Variants in CSMD1 observed in about 807,000 individuals in gnomAD.
The protein encoded by CSMD1 is CUB and Sushi multiple domains 1.
In CSMD1, 213 loss-of-function variants were observed where a neutral mutation model predicts 417.5. The ratio of observed to expected loss-of-function variants is 0.51; its 90% CI spans 0.46 to 0.57. The LOEUF (loss-of-function observed/expected upper bound fraction) is 0.57, where lower values mean the gene tolerates loss of function less well. CSMD1 is among the 20% of genes least tolerant of loss of function. CSMD1 has a pLI of 0.00. For synonymous variants in CSMD1, 2,862 were observed against 1,736.8 expected, an observed-to-expected ratio of 1.65 and a Z score of -16.11; for missense variants, 6,923 against 4,529.7, an observed-to-expected ratio of 1.53 and a Z score of -15.17.
At chr8:4,640,597 T>C (rs1803128241) in intron 1 of CSMD1, among the ~76,000 whole-genome samples, 3 of 152,334 alleles carry the variant, frequency 2.0e-5, no homozygotes, top group Admixed American at 2.0e-4. Flanking sequence ...GTAAACGATG[T>C]ACATCTAAGC....
intron 36 of CSMD1, among the ~76,000 whole-genome samples, chr8:3,183,971 A>G (rs1157419612): frequency 6.6e-6 from 1 of 152,174 alleles, no homozygotes; most frequent in African/African-American, 2.4e-5. Context: ...TCCATTCAGC[A>G]GTCAGAAAAC....
At chr8:3,989,145 G>C (rs1814553581) in intron 5 of CSMD1, among the ~76,000 whole-genome samples, 1 of 152,188 alleles carries the variant, frequency 6.6e-6, no homozygotes, top group African/African-American at 2.4e-5. Context: ...CGGGCATTTT[G>C]CTAAGGGTTT....
chr8:3,843,634 C>A (rs1468607481), intron 5 of CSMD1, among the ~76,000 whole-genome samples: 1 of 152,058 alleles, frequency 6.6e-6, no homozygotes, highest in Non-Finnish European at 1.5e-5. Flanking sequence ...TTATAGGATA[C>A]CATGGAATGC....
chr8:3,674,224 T>C (rs530116791), intron 7 of CSMD1, among the ~76,000 whole-genome samples: 5 of 152,196 alleles, frequency 3.3e-5, no homozygotes, highest in Non-Finnish European at 5.9e-5. Flanking sequence ...CAAAAGCAGA[T>C]TGTATTATGG....
chr8:4,287,773 A>AGCGAGTT (rs1797143512), intron 3 of CSMD1, among the ~76,000 whole-genome samples: 1 of 151,866 alleles, frequency 6.6e-6, no homozygotes, highest in Admixed American at 6.6e-5. Flanking sequence ...CGGTCGGTTG[A>AGCGAGTT]GCGAGTTGGA....
At chr8:3,159,509 C>A (rs141920470) in intron 38 of CSMD1, among the ~76,000 whole-genome samples, 2 of 152,246 alleles carry the variant, frequency 1.3e-5, no homozygotes, top group African/African-American at 4.8e-5. Context: ...TAGACACTCA[C>A]GTGTGAACTA....
At chr8:4,340,661 T>C (rs944428237) in intron 3 of CSMD1, among the ~76,000 whole-genome samples, 3 of 152,070 alleles carry the variant, frequency 2.0e-5, no homozygotes, top group African/African-American at 7.2e-5. Flanking sequence ...GTGAATTATA[T>C]TAACCTAGAG....
chr8:4,550,653 A>G (rs2130561839), intron 2 of CSMD1, among the ~76,000 whole-genome samples: 1 of 152,310 alleles, frequency 6.6e-6, no homozygotes, highest in South Asian at 2.1e-4. Context: ...GATCTCTAAC[A>G]GTTTACCTAG....
chr8:3,752,676 CA>C (rs200769696), intron 6 of CSMD1, among the ~76,000 whole-genome samples: 1,052 of 96,774 alleles, frequency 0.011, 13 homozygotes, highest in African/African-American at 0.036. Flanking sequence ...CCCCGCCTGG[CA>C]AAAAAAAAAA....
At chr8:3,245,700 C>T (rs1476257021) in intron 26 of CSMD1, among the ~76,000 whole-genome samples, 1 of 152,150 alleles carries the variant, frequency 6.6e-6, no homozygotes, top group Non-Finnish European at 1.5e-5. Flanking sequence ...ATTTTTTCTT[C>T]ATATAAAACC....
In CSMD1 at chr8:4,412,428, T is replaced by C. The variant is rs1796701134; in HGVS notation, c.415+7525A>G. ...GCTCCTCCTTTGCCTTCTACCATGATTGGAAGCTTCCCGAGGCCTCAACAG... is the reference window on the plus strand; with the variant it reads ...GCTCCTCCTTTGCCTTCTACCATGACTGGAAGCTTCCCGAGGCCTCAACAG... On this transcript the variant is annotated intron_variant, in intron 3 of 69. Transcript: ENST00000635120. Among the ~76,000 whole-genome samples the C allele has an allele frequency of 3.3e-5, 5 of 152,268 alleles. No homozygotes were observed. In the South Asian group the frequency reaches 1.0e-3, roughly 32 times the overall value.
At chr8:3,581,855 A>C (rs1178416876) in intron 9 of CSMD1, among the ~76,000 whole-genome samples, 1 of 151,788 alleles carries the variant, frequency 6.6e-6, no homozygotes, top group African/African-American at 2.4e-5. Flanking sequence ...CCCAGGCTGG[A>C]GTATAGTGGC....
At chr8:4,950,533 T>G (rs1442043255) in intron 1 of CSMD1, among the ~76,000 whole-genome samples, 1 of 152,190 alleles carries the variant, frequency 6.6e-6, no homozygotes, top group South Asian at 2.1e-4. Flanking sequence ...CATAAAAAAG[T>G]AAGTTGTTTT....
chr8:4,837,270 C>G (rs1204926210), intron 1 of CSMD1, among the ~76,000 whole-genome samples: 3 of 152,104 alleles, frequency 2.0e-5, no homozygotes, highest in Non-Finnish European at 2.9e-5. Context: ...AAAAGGAAAT[C>G]TACACATCAA....
In CSMD1 at chr8:3,716,515, A is replaced by G. The variant is rs540560837; in HGVS notation, c.932-8024T>C. On this transcript the variant is annotated intron_variant, in intron 6 of 69. Coordinates refer to ENST00000635120, the MANE Select transcript of CSMD1 (RefSeq NM_033225.6). ...TAAACTGTAAACTGTCATGGTGCTG[A>G]TGTGAGTGCAGCAGTGAGGATGGCC... 1.2e-3 allele frequency among the ~76,000 whole-genome samples: 183 copies of G among 152,224 alleles called. 1 individual carries two copies. Among genetic ancestry groups the G allele is most frequent in the African/African-American group, 4.3e-3 (177 of 41,552 alleles).
chr8:4,906,404 T>A (rs1218510655), intron 1 of CSMD1, among the ~76,000 whole-genome samples: 1 of 152,214 alleles, frequency 6.6e-6, no homozygotes, highest in Non-Finnish European at 1.5e-5. Flanking sequence ...AAGGGATGAA[T>A]AGAGGTGGTC....
intron 21 of CSMD1, among the ~76,000 whole-genome samples, chr8:3,350,340 T>C (rs946125422): frequency 1.4e-5 from 2 of 144,576 alleles, no homozygotes; most frequent in Admixed American, 7.5e-5. Flanking sequence ...GTGTGTGTTA[T>C]AATACCTATA....
chr8:4,801,449 A>G (rs888444449), intron 1 of CSMD1, among the ~76,000 whole-genome samples: 2 of 145,790 alleles, frequency 1.4e-5, no homozygotes, highest in Non-Finnish European at 1.5e-5. Context: ...CGGACTTGAC[A>G]GCCTCAGATG....
chr8:3,307,650 C>A (rs757427157), intron 25 of CSMD1, 45 bp downstream of exon 25: 57 of 1,581,330 alleles, frequency 3.6e-5, no homozygotes, highest in Non-Finnish European at 4.7e-5. Context: ...GAATAGAAGG[C>A]ATATCTCTTT....
Sources: allele counts gnomAD v4.1 joint callset (sites outside exome capture counted in the v4.1 genomes callset), GRCh38; gene constraint gnomAD v4.1.1; transcripts MANE v1.5; gene names NCBI Gene and HGNC (gene_info 2026-07-23, HGNC 2026-07-21).